SLC5A11: variants seen among roughly 807,000 people sequenced by gnomAD.
The protein encoded by SLC5A11 is solute carrier family 5 member 11, also known as sodium/myo-inositol cotransporter 2.
SLC5A11 carries 48 observed loss-of-function variants against 69.8 expected under a neutral mutation model. The observed-to-expected ratio is 0.69, with a 90% CI of 0.55 to 0.87. SLC5A11 has a LOEUF of 0.87. Ranked by LOEUF, SLC5A11 falls within the 40% of genes least tolerant of loss-of-function variation. The pLI is 0.00. For synonymous variants in SLC5A11, 319 were observed against 342.4 expected, an observed-to-expected ratio of 0.93 and a Z score of 0.75; for missense variants, 784 against 866.1, an observed-to-expected ratio of 0.91 and a Z score of 1.19.
chr16:24,881,251 T>C (rs2048027046), intron 7 of SLC5A11, among the ~76,000 whole-genome samples: 1 of 151,850 alleles, frequency 6.6e-6, no homozygotes, highest in Non-Finnish European at 1.5e-5. Context: ...GATATCTCAT[T>C]GTGGTAGTGA....
intron 9 of SLC5A11, 82 bp from the exon 11 acceptor site, chr16:24,897,892 A>G: frequency 6.5e-7 from 1 of 1,537,306 alleles, no homozygotes; most frequent in Non-Finnish European, 8.8e-7. Flanking sequence ...TATGGGAGCT[A>G]CAATTCAAGA....
At chr16:24,880,244 T>G (rs1226576848) in intron 7 of SLC5A11, among the ~76,000 whole-genome samples, 3 of 152,234 alleles carry the variant, frequency 2.0e-5, no homozygotes, top group Admixed American at 2.0e-4. Flanking sequence ...CTCAGGAAAC[T>G]TACAGTCATG....
At position 24,883,962 on chromosome 16, in the gene SLC5A11, GGTCCTGGCCTTCCAGGTTCCCTTGGT is replaced by G. The variant is rs2048217103; in HGVS notation, c.584-87_584-62del. 5.0e-6 allele frequency: 6 copies of G among 1,200,064 alleles called. 1 individual carries two copies. Among genetic ancestry groups the G allele is most frequent in the Middle Eastern group, 3.9e-4 (2 of 5,138 alleles). The allele number at this position is 1,200,064 out of a possible 1,614,324, so 74.3% of individuals were successfully genotyped here. On this transcript the variant is annotated intron_variant, in intron 7 of 15. Coordinates refer to ENST00000347898, the Ensembl canonical transcript of SLC5A11. ...GTCAGCACTAAGAAATCTCCCATCG[GGTCCTGGCCTTCCAGGTTCCCTTGGT>G]GACCCAGAGTAACCCCTTCTCGTTA...
At chr16:24,856,162 A>C (rs1388176745) in intron 1 of SLC5A11, among the ~76,000 whole-genome samples, 2 of 152,206 alleles carry the variant, frequency 1.3e-5, no homozygotes, top group African/African-American at 2.4e-5. Context: ...TGCTACTGGC[A>C]TTCAGCAGGG....
chr16:24,907,871 A>C lies in SLC5A11; in HGVS notation c.1266-92A>C. ...ACTGCACCCCGGCCTTGGCAACAGAACAAGACCCTGTCTATTAAAAGAGAC... is the reference window on the plus strand; with the variant it reads ...ACTGCACCCCGGCCTTGGCAACAGACCAAGACCCTGTCTATTAAAAGAGAC... On this transcript the variant is annotated intron_variant, in intron 12 of 15. Coordinates refer to ENST00000347898, the Ensembl canonical transcript of SLC5A11. 3 of 1,545,340 alleles carry C rather than the reference A, an allele frequency of 1.9e-6. No individual in the cohort carries two copies. The Admixed American group carries it at 5.2e-5, about 27-fold the overall frequency.
At chr16:24,886,684 T>A (rs2048422765) in intron 8 of SLC5A11, among the ~76,000 whole-genome samples, 1 of 152,148 alleles carries the variant, frequency 6.6e-6, no homozygotes, top group Non-Finnish European at 1.5e-5. Context: ...AGTATAAGAA[T>A]ACTTTTTAAA....
At chr16:24,878,896 A>G (rs2047860611) in intron 7 of SLC5A11, among the ~76,000 whole-genome samples, 1 of 152,174 alleles carries the variant, frequency 6.6e-6, no homozygotes, top group East Asian at 1.9e-4. Context: ...TTAGCTGGGC[A>G]TGATGGCACA....
intron 1 of SLC5A11, among the ~76,000 whole-genome samples, chr16:24,847,669 CAAATG>C (rs1318470873): frequency 1.3e-5 from 2 of 152,130 alleles, no homozygotes; most frequent in Non-Finnish European, 2.9e-5. Flanking sequence ...CAGTGGTTTT[CAAATG>C]GTGTTCTGCT....
intron 13 of SLC5A11, 35 bp from the exon 15 acceptor site, chr16:24,908,846 G>A: frequency 1.2e-6 from 2 of 1,600,210 alleles, no homozygotes; most frequent in Admixed American, 1.7e-5. Flanking sequence ...CAGAGCCCTT[G>A]GCGTCTCTAA....
At chr16:24,904,298 T>C (rs1410858168) in intron 10 of SLC5A11, among the ~76,000 whole-genome samples, 1 of 152,224 alleles carries the variant, frequency 6.6e-6, no homozygotes, top group Non-Finnish European at 1.5e-5. Flanking sequence ...CATATGGTAG[T>C]TCTATTTTCA....
At chr16:24,892,049 T>TAAAA (rs35705061) in intron 9 of SLC5A11, among the ~76,000 whole-genome samples, 1 of 97,014 alleles carries the variant, frequency 1.0e-5, no homozygotes, top group East Asian at 3.0e-4. Flanking sequence ...AGACCATCTC[T>TAAAA]AAAAAAAAAA....
At chr16:24,880,334 T>C (rs941826425) in intron 7 of SLC5A11, among the ~76,000 whole-genome samples, 6 of 152,004 alleles carry the variant, frequency 3.9e-5, no homozygotes, top group Non-Finnish European at 5.9e-5. Flanking sequence ...TGCTACACAC[T>C]TTTTTCTTTT....
exon 3 of SLC5A11, chr16:24,862,648 T>C: frequency 6.2e-7 from 1 of 1,613,674 alleles, no homozygotes; most frequent in Non-Finnish European, 8.5e-7. Flanking sequence ...ACTTCCTGGC[T>C]GGAGGGGACA....
chr16:24,905,334 G>T (rs906597047), intron 10 of SLC5A11, among the ~76,000 whole-genome samples: 1 of 149,640 alleles, frequency 6.7e-6, no homozygotes, highest in Admixed American at 6.7e-5. Flanking sequence ...CCAGCTACAG[G>T]CTAGGAGGCT....
intron 7 of SLC5A11, among the ~76,000 whole-genome samples, chr16:24,881,006 C>A (rs1255449616): frequency 6.6e-6 from 1 of 152,066 alleles, no homozygotes; most frequent in Non-Finnish European, 1.5e-5. Context: ...GAGTTCGAGA[C>A]CAGCCTGGCC....
At chr16:24,900,204 CAGTG>C (rs1231469155) in intron 10 of SLC5A11, among the ~76,000 whole-genome samples, 1 of 152,174 alleles carries the variant, frequency 6.6e-6, no homozygotes, top group Non-Finnish European at 1.5e-5. Context: ...TCCCCTGAAA[CAGTG>C]AGCTTTCCAG....
At chr16:24,849,585 A>ATATATAT (rs1567552495) in intron 1 of SLC5A11, among the ~76,000 whole-genome samples, 4 of 86,932 alleles carry the variant, frequency 4.6e-5, no homozygotes, top group Non-Finnish European at 1.0e-4. Flanking sequence ...AAAAAAAAAA[A>ATATATAT]AAAAAAAAAT....
chr16:24,872,966 T>A, intron 5 of SLC5A11, among the ~76,000 whole-genome samples: 1 of 106,368 alleles, frequency 9.4e-6, no homozygotes, highest in Non-Finnish European at 1.9e-5. Flanking sequence ...GGTGAAAACC[T>A]GTCTCTACTA....
chr16:24,903,290 A>G (rs998299128), intron 10 of SLC5A11, among the ~76,000 whole-genome samples: 7 of 152,124 alleles, frequency 4.6e-5, no homozygotes, highest in Admixed American at 3.9e-4. Context: ...ACAATGTGTA[A>G]TGACCACATC....
Sources: allele counts gnomAD v4.1 joint callset (sites outside exome capture counted in the v4.1 genomes callset), GRCh38; gene constraint gnomAD v4.1.1; transcripts MANE v1.5; gene names NCBI Gene and HGNC (gene_info 2026-07-23, HGNC 2026-07-21).